The following CACNA1C variants were observed in gnomAD, a reference collection of about 807,000 sequenced individuals.
CACNA1C encodes voltage-dependent L-type calcium channel subunit alpha-1C.
CACNA1C carries 30 observed loss-of-function variants against 229.0 expected under a neutral mutation model. The ratio of observed to expected loss-of-function variants is 0.13; its 90% CI spans 0.10 to 0.18. The LOEUF is 0.18. Ranked by LOEUF, CACNA1C falls within the 10% of genes least tolerant of loss-of-function variation. CACNA1C has a pLI of 1.00. For synonymous variants in CACNA1C, 1,114 were observed against 1,132.5 expected, an observed-to-expected ratio of 0.98 and a Z score of 0.33; for missense variants, 1,658 against 2,845.0, an observed-to-expected ratio of 0.58 and a Z score of 9.49.
At position 1,998,143 on chromosome 12, in the gene CACNA1C, T is replaced by C. The variant is rs112604089; in HGVS notation, c.139+26942T>C. ...GGAGAAAGCAAGTTCTATGTCATCA[T>C]TGTGCCTCTGCAGATTAGGCAGCAG... On this transcript the variant is annotated intron_variant, in intron 1 of 46. Coordinates refer to the CACNA1C transcript ENST00000682462. Among the ~76,000 whole-genome samples the C allele has an allele frequency of 3.9e-5, 6 of 152,382 alleles. 1 individual carries two copies. Among genetic ancestry groups the C allele is most frequent in the African/African-American group, 1.4e-4 (6 of 41,594 alleles).
intron 3 of CACNA1C, among the ~76,000 whole-genome samples, chr12:2,370,041 A>G (rs1423711018): frequency 6.6e-6 from 1 of 152,240 alleles, no homozygotes; most frequent in African/African-American, 2.4e-5. Context: ...ACACATCCCC[A>G]TTAGAAAATT....
At chr12:2,024,388 G>C (rs977893731) in intron 1 of CACNA1C, among the ~76,000 whole-genome samples, 1 of 152,162 alleles carries the variant, frequency 6.6e-6, no homozygotes, top group Non-Finnish European at 1.5e-5. Context: ...TGAATTTAAG[G>C]GGGGTAGACA....
At chr12:2,333,658 C>G (rs1390320616) in intron 3 of CACNA1C, among the ~76,000 whole-genome samples, 1 of 152,174 alleles carries the variant, frequency 6.6e-6, no homozygotes, top group African/African-American at 2.4e-5. Flanking sequence ...CGACAGGGGA[C>G]AGCTGCAGAG....
At position 2,585,290 on chromosome 12, in the gene CACNA1C, A is replaced by G; in HGVS notation, c.2340-86A>G. 2 of 1,377,062 alleles carry G rather than the reference A, an allele frequency of 1.5e-6. No homozygotes were observed. The highest frequency in any genetic ancestry group is 1.6e-5 in the South Asian group (1 of 63,928). 85.3% of individuals were successfully genotyped at this position (1,377,062 alleles called of 1,614,324 possible). On this transcript the variant is annotated intron_variant, in intron 16 of 46. Transcript: ENST00000399655. This position sits in a 1 kb window ranked among gnomAD's most constrained non-coding sequence, Gnocchi z 4.1. ...AGGGGATCTGTCCCCTCTGGCCCCA[A>G]CAGGCCACAGGGCGGTTCCCTCCTA...
At position 2,678,597 on chromosome 12, in the gene CACNA1C, G is replaced by A. The variant is rs923221031; in HGVS notation, c.5091+730G>A. On this transcript the variant is annotated intron_variant, in intron 41 of 46. Transcript: ENST00000399655. This position sits in a 1 kb window ranked among gnomAD's most constrained non-coding sequence, Gnocchi z 4.1. ...CTGCTCACACCGCTCTCTCCCGGCC[G>A]CGGGCCCAGTTCCCAGGCTGTGGAA... Among the ~76,000 whole-genome samples the A allele has an allele frequency of 2.0e-5, 3 of 152,166 alleles. No individual in the cohort carries two copies. Among genetic ancestry groups the A allele is most frequent in the South Asian group, 2.1e-4 (1 of 4,830 alleles).
At chr12:2,043,947 G>A (rs568397474) in intron 1 of CACNA1C, among the ~76,000 whole-genome samples, 11 of 152,160 alleles carry the variant, frequency 7.2e-5, no homozygotes, top group Admixed American at 5.9e-4. Context: ...GAGCCACCGC[G>A]CCCGGCCAAA....
rs1430298032 is a variant in CACNA1C at position 2,595,134 on chromosome 12, A to G, written c.2664-740A>G. On this transcript the variant is annotated intron_variant, in intron 19 of 46. Transcript: ENST00000399655. The surrounding 1 kb of genome is among the most constrained non-coding windows in gnomAD (Gnocchi z 4.1). ...TGCTTCTGCAGCAGGAGGGCTTCTCAGAGCATTTAGTCAACCATAATGCCA... is the reference window on the plus strand; with the variant it reads ...TGCTTCTGCAGCAGGAGGGCTTCTCGGAGCATTTAGTCAACCATAATGCCA... 6.6e-6 allele frequency among the ~76,000 whole-genome samples: 1 copy of G among 152,190 alleles called. No individual in the cohort carries two copies. Among genetic ancestry groups the G allele is most frequent in the South Asian group, 2.1e-4 (1 of 4,828 alleles).
chr12:2,070,982 CCTT>C (rs1298805563), intron 1 of CACNA1C, among the ~76,000 whole-genome samples: 1 of 128,218 alleles, frequency 7.8e-6, no homozygotes, highest in Non-Finnish European at 1.7e-5. Context: ...TGCCTTCCTT[CCTT>C]CTCTCTCTCC....
rs375628246 is a variant in CACNA1C, at chr12:2,107,466, C to T, written c.50-7758C>T. Among the ~76,000 whole-genome samples the T allele has an allele frequency of 1.6e-5, 2 of 123,404 alleles. 1 individual carries two copies. 81.0% of individuals were successfully genotyped at this position (123,404 alleles called of 152,430 possible). ...GTGTGCTGAAACCACTGGGCGCCCA[C>T]CCCGGGGAGGGTTTCCACCTCAGCT... On this transcript the variant is annotated intron_variant, in intron 1 of 46. Transcript: ENST00000399655.
intron 3 of CACNA1C, among the ~76,000 whole-genome samples, chr12:2,283,456 A>AC (rs1202842788): frequency 2.0e-5 from 3 of 151,912 alleles, no homozygotes; most frequent in Admixed American, 2.0e-4. Context: ...AAGACCATGG[A>AC]CCCCTTACTC....
intron 3 of CACNA1C, among the ~76,000 whole-genome samples, chr12:2,303,747 G>T (rs2094773700): frequency 6.6e-6 from 1 of 152,208 alleles, no homozygotes; most frequent in Non-Finnish European, 1.5e-5. Context: ...AACGGGCAAG[G>T]CTGCTCTGCA....
chr12:2,220,999 G>T (rs901358081), intron 3 of CACNA1C: 1 of 152,228 alleles, frequency 6.6e-6, no homozygotes, highest in Admixed American at 6.5e-5. Flanking sequence ...ACTGTGGGTG[G>T]GGGTTACTTT....
chr12:2,298,402 G>A (rs1248012017), intron 3 of CACNA1C, among the ~76,000 whole-genome samples: 1 of 152,140 alleles, frequency 6.6e-6, no homozygotes, highest in African/African-American at 2.4e-5. Flanking sequence ...GGATTCAAGC[G>A]ATTCTTGTGC....
chr12:2,289,791 G>C (rs944833832), intron 3 of CACNA1C, among the ~76,000 whole-genome samples: 4 of 152,126 alleles, frequency 2.6e-5, no homozygotes, highest in Non-Finnish European at 5.9e-5. Flanking sequence ...GATCCCAAGT[G>C]GTCAGAACAG....
At chr12:2,460,681 C>A (rs1158555459) in intron 5 of CACNA1C, among the ~76,000 whole-genome samples, 1 of 152,186 alleles carries the variant, frequency 6.6e-6, no homozygotes, top group African/African-American at 2.4e-5. Context: ...GCAAGGCCCT[C>A]ATGTTACCTG....
chr12:2,577,843 C>A (rs1454988006), intron 13 of CACNA1C, among the ~76,000 whole-genome samples: 1 of 151,880 alleles, frequency 6.6e-6, no homozygotes, highest in African/African-American at 2.4e-5. Context: ...CGAGGGCAAG[C>A]AGACAATAAG....
At chr12:2,334,634 G>A (rs144906811) in intron 3 of CACNA1C, among the ~76,000 whole-genome samples, 147 of 152,200 alleles carry the variant, frequency 9.7e-4, no homozygotes, top group African/African-American at 3.2e-3. Context: ...GTGAGGCCCC[G>A]TTTCTACAAA....
At chr12:2,144,758 T>C (rs2094561993) in intron 3 of CACNA1C, among the ~76,000 whole-genome samples, 1 of 151,466 alleles carries the variant, frequency 6.6e-6, no homozygotes, top group African/African-American at 2.4e-5. Flanking sequence ...AAAAATGTTT[T>C]AGGGTAGATT....
chr12:2,004,383 T>C, intron 1 of CACNA1C: 1 of 1,612,740 alleles, frequency 6.2e-7, no homozygotes, highest in East Asian at 2.2e-5. Flanking sequence ...GCCGCTAGGC[T>C]GATGTCGCGC....
Sources: allele counts gnomAD v4.1 joint callset (sites outside exome capture counted in the v4.1 genomes callset), GRCh38; gene constraint gnomAD v4.1.1; non-coding constraint Gnocchi (gnomAD v3.1); transcripts MANE v1.5; gene names NCBI Gene and HGNC (gene_info 2026-07-23, HGNC 2026-07-21).